The following LRRC20 variants were observed in gnomAD, a reference collection of about 807,000 sequenced individuals.
The protein encoded by LRRC20 is leucine rich repeat containing 20.
A neutral mutation model predicts 14.4 loss-of-function variants in LRRC20; 11 were observed. The ratio of observed to expected loss-of-function variants is 0.77; its 90% confidence interval spans 0.48 to 1.27. The LOEUF is 1.27. Ranked by LOEUF, LRRC20 falls within the 50% of genes most tolerant of loss-of-function variation. The probability of loss-of-function intolerance (pLI) is 0.00; values close to 1 mark genes in which losing one functional copy is unlikely to be tolerated. For synonymous variants in LRRC20, 121 were observed against 107.3 expected (o/e 1.13, Z -0.79); for missense variants, 219 against 251.2 (o/e 0.87, Z 0.87).
At chr10:70,315,600 G>A (rs1199920193) in intron 4 of LRRC20, among the ~76,000 whole-genome samples, 1 of 152,146 alleles carries the variant, frequency 6.6e-6, no homozygotes, top group African/African-American at 2.4e-5. Context: ...ATCAACTTTT[G>A]CTGTAGGATA....
At chr10:70,320,923 T>C (rs1432852545) in intron 4 of LRRC20, among the ~76,000 whole-genome samples, 1 of 152,154 alleles carries the variant, frequency 6.6e-6, no homozygotes, top group Admixed American at 6.5e-5. Flanking sequence ...ACGTGGCAGC[T>C]CTATTCGGAA....
intron 2 of LRRC20, among the ~76,000 whole-genome samples, chr10:70,362,952 G>C (rs1222609043): frequency 1.3e-5 from 2 of 152,092 alleles, no homozygotes; most frequent in African/African-American, 4.8e-5. Flanking sequence ...CCATGGACAG[G>C]ATTAGTGTCC....
intron 4 of LRRC20, among the ~76,000 whole-genome samples, chr10:70,316,834 G>C (rs1589949967): frequency 1.3e-5 from 2 of 152,334 alleles, no homozygotes; most frequent in Admixed American, 6.5e-5. Context: ...TGCACCTACT[G>C]CTCAATGCCT....
rs543660467 is a variant in LRRC20, at chr10:70,309,409, C to A, written c.401-7901G>T. Among the ~76,000 whole-genome samples, 23 of 152,264 alleles carry A rather than the reference C, an allele frequency of 1.5e-4. No individual in the cohort carries two copies. In the South Asian group the frequency reaches 4.8e-3, roughly 32 times the overall value. ...TTGCCACGCCAGTAAGTGGTGGAGG[C>A]AGGACAGTTCCTGATCCCAGAGCCC... On this transcript the variant is annotated intron_variant, in intron 4 of 4. Coordinates refer to ENST00000446961, the MANE Select transcript of LRRC20 (RefSeq NM_001278212.2).
chr10:70,342,576 AT>A (rs2137027142), intron 2 of LRRC20, among the ~76,000 whole-genome samples: 1 of 152,312 alleles, frequency 6.6e-6, no homozygotes, highest in African/African-American at 2.4e-5. Flanking sequence ...CAGTTTCCTC[AT>A]CCACAGAATG....
In LRRC20 at chr10:70,311,683, T is replaced by C. The variant is rs75853172; in HGVS notation, c.401-10175A>G. Among the ~76,000 whole-genome samples, 1,293 of 152,248 alleles carry C rather than the reference T, an allele frequency of 8.5e-3. 20 individuals are homozygous for C. Among genetic ancestry groups the C allele is most frequent in the African/African-American group, 0.03 (1,244 of 41,530 alleles). On this transcript the variant is annotated intron_variant, in intron 4 of 4. Transcript: ENST00000446961. ...TGTCCCTTTAACTTTCCCATGGCCC[T>C]CAAGTGTGTGGGCTTCTGTTGCAAG...
At chr10:70,326,364 A>T (rs1842323665) in intron 3 of LRRC20, among the ~76,000 whole-genome samples, 1 of 150,704 alleles carries the variant, frequency 6.6e-6, no homozygotes, top group African/African-American at 2.4e-5. Flanking sequence ...CCCACTGCAA[A>T]TGCCCTGCTC....
At chr10:70,364,194 C>T (rs537599695) in intron 2 of LRRC20, among the ~76,000 whole-genome samples, 1 of 152,328 alleles carries the variant, frequency 6.6e-6, no homozygotes, top group East Asian at 1.9e-4. Context: ...TCACCCCTAC[C>T]AGATGCCGGC....
intron 2 of LRRC20, among the ~76,000 whole-genome samples, chr10:70,343,262 A>T (rs1189286112): frequency 6.6e-6 from 1 of 152,204 alleles, no homozygotes; most frequent in Non-Finnish European, 1.5e-5. Flanking sequence ...TGGACTGGGA[A>T]GACACCCAGA....
chr10:70,321,991 C>T (rs1486858715), intron 4 of LRRC20, among the ~76,000 whole-genome samples: 2 of 152,246 alleles, frequency 1.3e-5, no homozygotes, highest in Non-Finnish European at 2.9e-5. Flanking sequence ...GTGGCTGTGC[C>T]TGCTAAGAGA....
At chr10:70,314,611 A>C (rs1841789495) in intron 4 of LRRC20, among the ~76,000 whole-genome samples, 1 of 152,118 alleles carries the variant, frequency 6.6e-6, no homozygotes, top group Admixed American at 6.5e-5. Flanking sequence ...TTTAATTGGC[A>C]TAGGGTGTGG....
intron 3 of LRRC20, among the ~76,000 whole-genome samples, chr10:70,325,089 G>A (rs563190042): frequency 2.0e-5 from 3 of 152,190 alleles, no homozygotes; most frequent in African/African-American, 4.8e-5. Flanking sequence ...TGTCTGACCC[G>A]AGGGAAACTG....
At chr10:70,326,114 C>T (rs1023374431) in intron 3 of LRRC20, among the ~76,000 whole-genome samples, 4 of 151,992 alleles carry the variant, frequency 2.6e-5, no homozygotes, top group African/African-American at 9.7e-5. Context: ...AAAATGACCC[C>T]TAATTTCTGG....
intron 3 of LRRC20, among the ~76,000 whole-genome samples, chr10:70,326,739 G>A (rs149782673): frequency 0.016 from 2,463 of 151,500 alleles, 89 homozygotes; most frequent in African/African-American, 0.057. Context: ...TGCAAGCTCC[G>A]CCTCCTGGGT....
chr10:70,300,647 T>C lies in LRRC20; in HGVS notation c.*707A>G. 1 of 985,556 alleles carries C rather than the reference T, an allele frequency of 1.0e-6. No individual in the cohort carries two copies. The highest frequency in any genetic ancestry group is 1.2e-6 in the Non-Finnish European group (1 of 830,032). 61.1% of individuals were successfully genotyped at this position (985,556 alleles called of 1,614,324 possible). ...ACTCAGGACTTCCCACCCCGCCAAT[T>C]TGTTAACTGTGGGGAATGACAGAGC... On this transcript the variant is annotated 3_prime_UTR_variant, in exon 5 of 5. Coordinates refer to ENST00000446961, the MANE Select transcript of LRRC20 (RefSeq NM_001278212.2).
chr10:70,373,989 C>A (rs1360540585), intron 2 of LRRC20, among the ~76,000 whole-genome samples: 1 of 152,208 alleles, frequency 6.6e-6, no homozygotes, highest in East Asian at 1.9e-4. Flanking sequence ...CACAGAAATG[C>A]CCACCTGTCC....
At position 70,318,491 on chromosome 10, in the gene LRRC20, C is replaced by T. The variant is rs141618225; in HGVS notation, c.400+5372G>A. Among the ~76,000 whole-genome samples the T allele has an allele frequency of 4.6e-5, 7 of 152,304 alleles. No homozygotes were observed. The East Asian group carries it at 1.4e-3, about 29-fold the overall frequency. On this transcript the variant is annotated intron_variant, in intron 4 of 4. Transcript: ENST00000446961. ...GCCGCTAGCCAGGTACAGTGGCTCA[C>T]GCCTGTAATCCCAGCAATTTGGGAG...
At chr10:70,375,466 A>T (rs946046530) in intron 2 of LRRC20, among the ~76,000 whole-genome samples, 2 of 48,832 alleles carry the variant, frequency 4.1e-5, no homozygotes, top group Admixed American at 5.7e-4. Flanking sequence ...GTGTCTCTCC[A>T]CTTCCTGGAC....
chr10:70,317,299 GGCTTCT>G (rs78933023), intron 4 of LRRC20, among the ~76,000 whole-genome samples: 1 of 151,960 alleles, frequency 6.6e-6, no homozygotes, highest in South Asian at 2.1e-4. Context: ...AGGGAGCCCT[GGCTTCT>G]GCTTCTGCTT....
Sources: allele counts gnomAD v4.1 joint callset (sites outside exome capture counted in the v4.1 genomes callset), GRCh38; gene constraint gnomAD v4.1.1; transcripts MANE v1.5; gene names NCBI Gene and HGNC (gene_info 2026-07-23, HGNC 2026-07-21).